The following MYO9A variants were observed in gnomAD, a reference collection of about 807,000 sequenced individuals.
MYO9A encodes the protein unconventional myosin-IXa.
A neutral mutation model predicts 293.3 loss-of-function variants in MYO9A; 103 were observed. The observed-to-expected ratio is 0.35, with a 90% confidence interval of 0.30 to 0.41. The LOEUF (loss-of-function observed/expected upper bound fraction) is 0.41, where lower values mean the gene tolerates loss of function less well. Ranked by LOEUF, MYO9A falls within the 10% of genes least tolerant of loss-of-function variation. The pLI, the probability that MYO9A is intolerant of heterozygous loss-of-function variation, is 1.00. For missense variants in MYO9A, 2,685 were observed against 3,033.0 expected, an observed-to-expected ratio of 0.89 and a Z score of 2.69; for synonymous variants, 1,001 against 1,035.7, an observed-to-expected ratio of 0.97 and a Z score of 0.64.
At chr15:71,986,241 T>G (rs116070016) in intron 11 of MYO9A, among the ~76,000 whole-genome samples, 2 of 152,214 alleles carry the variant, frequency 1.3e-5, no homozygotes, top group Non-Finnish European at 2.9e-5. Flanking sequence ...AGAATGTGCA[T>G]AGGTTATGTG....
chr15:72,057,886 C>T (rs1282138127), intron 1 of MYO9A, among the ~76,000 whole-genome samples: 1 of 152,110 alleles, frequency 6.6e-6, no homozygotes, highest in Non-Finnish European at 1.5e-5. Context: ...CCTTTTATTC[C>T]CTGAGCCACT....
intron 32 of MYO9A, among the ~76,000 whole-genome samples, chr15:71,869,487 G>C (rs2056440357): frequency 6.6e-6 from 1 of 152,128 alleles, no homozygotes; most frequent in Non-Finnish European, 1.5e-5. Flanking sequence ...AACTGTTCTT[G>C]ATTAAAAGAG....
In MYO9A at chr15:72,027,772, T is replaced by C. The variant is rs374505166; in HGVS notation, c.957A>G (p.Leu319=). Residue 319 remains leucine, a synonymous_variant, in exon 4 of 42, where the codon CTA becomes CTG. Transcript: ENST00000356056. ...GATAAACGAGTCTGGACTTCTCCAG[T>C]AGATATTTTTCAACATAGGCACTAC... The part of the protein sequence containing the change: ...TVLGAYVEKY[L]LEKSRLVYQE... 7 of 1,608,802 alleles carry C rather than the reference T, an allele frequency of 4.4e-6. No individual in the cohort carries two copies. The highest frequency in any genetic ancestry group is 2.2e-5 in the East Asian group (1 of 44,812).
intron 31 of MYO9A, among the ~76,000 whole-genome samples, chr15:71,877,621 C>A (rs1028747393): frequency 6.6e-6 from 1 of 152,120 alleles, no homozygotes; most frequent in Admixed American, 6.5e-5. Flanking sequence ...TCATGCCCAG[C>A]TAATTTTTGT....
At position 72,046,278 on chromosome 15, in the gene MYO9A, T is replaced by C; in HGVS notation, c.286A>G (p.Asn96Asp). ...CGGTAGTCCTCTCCACTTAAGCGAT[T>C]TTCCAGAGCCATTCGGGGCCACAGC... ...MMLWPRMALE[N>D]RLSGEDYRFL... Residue 96 changes from asparagine (N) to aspartate (D), a missense_variant, in exon 2 of 42, where the codon AAT (asparagine) becomes GAT (aspartate). Physicochemically the swap from Asn to Asp is conservative, Grantham distance 23. This residue lies in a region of MYO9A where 63 missense variants were observed against 57.9 expected (regional missense o/e 1.09). Transcript: ENST00000356056. 3.1e-6 allele frequency: 5 copies of C among 1,614,058 alleles called. No individual in the cohort carries two copies. Among genetic ancestry groups the C allele is most frequent in the Non-Finnish European group, 4.2e-6 (5 of 1,179,908 alleles).
At chr15:71,959,620 A>T (rs1259124947) in intron 14 of MYO9A, 2 of 254,276 alleles carry the variant, frequency 7.9e-6, no homozygotes, top group Non-Finnish European at 1.5e-5. Flanking sequence ...GTTTTTAAAA[A>T]TCCATGAACT....
At chr15:71,828,074 G>A (rs1415556590) in intron 40 of MYO9A, 48 bp from the exon 41 acceptor site, 2 of 1,562,372 alleles carry the variant, frequency 1.3e-6, no homozygotes, top group African/African-American at 1.4e-5. Context: ...GGAAGTGGAA[G>A]GAAGATAACA....
intron 1 of MYO9A, among the ~76,000 whole-genome samples, chr15:72,105,927 T>A (rs2080551277): frequency 2.0e-5 from 3 of 152,196 alleles, no homozygotes; most frequent in African/African-American, 7.2e-5. Flanking sequence ...TACATCCGTA[T>A]AATAGAATAT....
At chr15:72,068,933 T>C (rs1250916829) in intron 1 of MYO9A, among the ~76,000 whole-genome samples, 1 of 152,218 alleles carries the variant, frequency 6.6e-6, no homozygotes, top group Non-Finnish European at 1.5e-5. Flanking sequence ...AGGCACACTA[T>C]TATGTCTTAT....
chr15:72,109,351 C>T (rs1159214586), intron 1 of MYO9A, among the ~76,000 whole-genome samples: 6 of 150,800 alleles, frequency 4.0e-5, no homozygotes, highest in Non-Finnish European at 8.9e-5. Flanking sequence ...GATCATGCCA[C>T]TGCACTCCAG....
Position 71,897,720 on chromosome 15 carries a change from G to C in MYO9A, c.4783C>G (p.Pro1595Ala), listed in dbSNP as rs866654715. ...AQKDSSSAHL[P>A]PKDRPVTVFF... ...ACGGTGACAGGTCGGTCCTTTGGGGGTAAGTGAGCAGAGGAACTGTCTTTT... is the reference window on the plus strand; with the variant it reads ...ACGGTGACAGGTCGGTCCTTTGGGGCTAAGTGAGCAGAGGAACTGTCTTTT... Residue 1595 changes from proline to alanine, a missense_variant, in exon 25 of 42, where the codon CCC becomes GCC. Pro to Ala is a conservative substitution (Grantham distance 27). This residue lies in a region of MYO9A where 1,434 missense variants were observed against 1,497.7 expected (regional missense o/e 0.96). Transcript: ENST00000356056. 2 of 1,614,164 alleles carry C rather than the reference G, an allele frequency of 1.2e-6. No individual in the cohort carries two copies. Among genetic ancestry groups the C allele is most frequent in the Middle Eastern group, 3.3e-4 (2 of 6,062 alleles).
At chr15:72,092,811 TCTA>T (rs556778668) in intron 1 of MYO9A, among the ~76,000 whole-genome samples, 99 of 152,122 alleles carry the variant, frequency 6.5e-4, no homozygotes, top group Admixed American at 1.5e-3. Context: ...TAAAAAAAAC[TCTA>T]CTAGCTTGCA....
chr15:71,836,886 G>T (rs2054966027), intron 39 of MYO9A, among the ~76,000 whole-genome samples: 2 of 151,972 alleles, frequency 1.3e-5, no homozygotes, highest in African/African-American at 4.8e-5. Flanking sequence ...AGGGAAAGAG[G>T]AGAGCTTCTG....
At position 71,848,873 on chromosome 15, in the gene MYO9A, G is replaced by GTCTT. The variant is rs775144968; in HGVS notation, c.6805_6808dup (p.Thr2270LysfsTer9). The GTCTT allele has an allele frequency of 6.2e-7, 1 of 1,610,154 alleles. No individual in the cohort carries two copies. The highest frequency in any genetic ancestry group is 1.3e-5 in the African/African-American group (1 of 74,630). ...TGATCTACGAATCAGTGACAACCTG[G>GTCTT]TCTTTGCCTTATTCTCAGCAAATTC... On this transcript the variant is annotated frameshift_variant, in exon 39 of 42. Coordinates refer to ENST00000356056, the MANE Select transcript of MYO9A (RefSeq NM_006901.4). LOFTEE classifies it high-confidence loss of function.
chr15:72,118,117 G>T lies in MYO9A; in HGVS notation c.-509C>A. 2 of 384,778 alleles carry T rather than the reference G, an allele frequency of 5.2e-6. No homozygotes were observed. The highest frequency in any genetic ancestry group is 1.4e-4 in the South Asian group (1 of 7,330). The allele number at this position is 384,778 out of a possible 1,614,324, so 23.8% of individuals were successfully genotyped here. A position where few individuals can be genotyped will look rare whatever the true frequency, so the allele number is the denominator to read the frequency against. On this transcript the variant is annotated 5_prime_UTR_variant, in exon 1 of 42. Coordinates refer to ENST00000356056, the MANE Select transcript of MYO9A (RefSeq NM_006901.4). ...CCGCGCACGCGGCCCCGCCCCGCGC[G>T]ACTCCCCGGCTGCAGGCGAGCAGGC...
At chr15:71,882,138 G>A (rs1324892372) in intron 28 of MYO9A, among the ~76,000 whole-genome samples, 4 of 152,080 alleles carry the variant, frequency 2.6e-5, no homozygotes, top group African/African-American at 4.8e-5. Flanking sequence ...CTAGATATGA[G>A]AAGATGCTGG....
chr15:71,905,964 A>G (rs1026972438), intron 19 of MYO9A, among the ~76,000 whole-genome samples: 1 of 152,032 alleles, frequency 6.6e-6, no homozygotes, highest in Non-Finnish European at 1.5e-5. Flanking sequence ...GAATTGAGAC[A>G]TATCTCCTTT....
chr15:71,955,790 T>C (rs2059163135), intron 14 of MYO9A, among the ~76,000 whole-genome samples: 1 of 152,144 alleles, frequency 6.6e-6, no homozygotes, highest in African/African-American at 2.4e-5. Flanking sequence ...TTTTAGAACA[T>C]TTTGATCATA....
At chr15:72,025,751 C>T (rs1030483307) in intron 4 of MYO9A, among the ~76,000 whole-genome samples, 4 of 152,108 alleles carry the variant, frequency 2.6e-5, no homozygotes, top group African/African-American at 9.7e-5. Flanking sequence ...AGCAACTAGA[C>T]AGAAGATGAA....
Sources: gnomAD v4.1 joint callset for allele counts (sites outside exome capture counted in the v4.1 genomes callset) on GRCh38, gnomAD v4.1.1 for gene constraint, gnomAD v4.1.1 regional missense constraint, MANE v1.5 for transcripts, NCBI Gene and HGNC (gene_info 2026-07-23, HGNC 2026-07-21) for gene names.